The following CNTNAP4 variants were observed in gnomAD, a reference collection of about 807,000 sequenced individuals.
CNTNAP4 encodes the protein contactin associated protein family member 4, also known as contactin-associated protein-like 4.
In CNTNAP4, 98 loss-of-function variants were observed where a neutral mutation model predicts 148.4. The observed-to-expected ratio is 0.66, with a 90% CI of 0.56 to 0.78. The LOEUF (loss-of-function observed/expected upper bound fraction) is 0.78, where lower values mean the gene tolerates loss of function less well. Ranked by LOEUF, CNTNAP4 falls within the 30% of genes least tolerant of loss-of-function variation. CNTNAP4 has a pLI of 0.00. For synonymous variants in CNTNAP4, 730 were observed against 565.1 expected, an observed-to-expected ratio of 1.29 and a Z score of -4.14; for missense variants, 1,935 against 1,565.6, an observed-to-expected ratio of 1.24 and a Z score of -3.98.
At chr16:76,498,936 C>T (rs891292638) in intron 15 of CNTNAP4, among the ~76,000 whole-genome samples, 2 of 151,912 alleles carry the variant, frequency 1.3e-5, no homozygotes, top group Non-Finnish European at 2.9e-5. Context: ...TTAATGAGTA[C>T]AGAGATTTGG....
At chr16:76,386,116 C>G (rs1453359660) in intron 3 of CNTNAP4, among the ~76,000 whole-genome samples, 3 of 152,096 alleles carry the variant, frequency 2.0e-5, no homozygotes, top group African/African-American at 7.2e-5. Context: ...TCACAAATGA[C>G]CACTGAAGCA....
intron 3 of CNTNAP4, among the ~76,000 whole-genome samples, chr16:76,357,058 A>AACACACACAC (rs58020066): frequency 5.4e-5 from 8 of 147,962 alleles, no homozygotes; most frequent in South Asian, 2.1e-4. Context: ...AACAAAACAA[A>AACACACACAC]ACACACACAC....
At position 76,316,448 on chromosome 16, in the gene CNTNAP4, C is replaced by T; in HGVS notation, c.121C>T (p.Gln41Ter). The T allele has an allele frequency of 6.2e-7, 1 of 1,613,876 alleles. No individual in the cohort carries two copies. The highest frequency in any genetic ancestry group is 8.5e-7 in the Non-Finnish European group (1 of 1,179,808). The change falls in exon 2 of 24, where the codon CAG (glutamine) becomes TAG (stop). Residue 41 changes from glutamine (Q) to a stop codon, truncating the protein, a stop_gained. Coordinates refer to ENST00000611870, the MANE Select transcript of CNTNAP4 (RefSeq NM_033401.5). LOFTEE classifies it high-confidence loss of function. The part of the protein sequence containing the change: ...CDDPLVSALP[Q>*]ASFSSSSELS... ...TGATCCTCTTGTGTCTGCCTTGCCT[C>T]AGGCATCCTTCAGCAGTTCTTCCGA...
intron 15 of CNTNAP4, among the ~76,000 whole-genome samples, chr16:76,501,642 A>G (rs1258302447): frequency 6.6e-6 from 1 of 152,142 alleles, no homozygotes; most frequent in African/African-American, 2.4e-5. Context: ...GCTGCTAAAC[A>G]TCCTACAATG....
intron 3 of CNTNAP4, among the ~76,000 whole-genome samples, chr16:76,382,713 G>C (rs2016108662): frequency 1.3e-5 from 2 of 152,180 alleles, no homozygotes; most frequent in South Asian, 2.1e-4. Context: ...AAATTATCAA[G>C]GAAAAATGAT....
chr16:76,463,741 A>T (rs1454612654), intron 9 of CNTNAP4, among the ~76,000 whole-genome samples: 2 of 152,168 alleles, frequency 1.3e-5, no homozygotes, highest in Admixed American at 6.5e-5. Flanking sequence ...TGATCAATGC[A>T]TGTCTGTCCC....
At chr16:76,395,081 C>T (rs4888495) in intron 3 of CNTNAP4, among the ~76,000 whole-genome samples, 58,101 of 151,974 alleles carry the variant, frequency 0.38, 11,719 homozygotes, top group Middle Eastern at 0.5. Flanking sequence ...CTTCTGATGG[C>T]AAAACGTGAC....
chr16:76,435,062 G>T (rs758272644), intron 4 of CNTNAP4, among the ~76,000 whole-genome samples: 1 of 152,024 alleles, frequency 6.6e-6, no homozygotes. Flanking sequence ...ATGTCTCCTC[G>T]GGGAAGGATA....
chr16:76,328,542 T>C (rs924088547), intron 2 of CNTNAP4, among the ~76,000 whole-genome samples: 3 of 152,184 alleles, frequency 2.0e-5, no homozygotes, highest in African/African-American at 2.4e-5. Flanking sequence ...AAAGGACATT[T>C]AGTAAAAACT....
intron 1 of CNTNAP4, chr16:76,316,037 G>C (rs1021159060): frequency 3.2e-5 from 10 of 310,734 alleles, no homozygotes; most frequent in African/African-American, 4.3e-5. Context: ...GGTTTTGCAA[G>C]TACTTTCTCC....
intron 1 of CNTNAP4, among the ~76,000 whole-genome samples, chr16:76,315,221 T>G (rs1597162621): frequency 6.6e-6 from 1 of 152,232 alleles, no homozygotes; most frequent in East Asian, 1.9e-4. Context: ...ATCATACATG[T>G]CTCCTGGTGC....
At chr16:76,301,086 C>G (rs561117410) in intron 1 of CNTNAP4, among the ~76,000 whole-genome samples, 2 of 151,924 alleles carry the variant, frequency 1.3e-5, no homozygotes, top group Admixed American at 1.3e-4. Flanking sequence ...CAAAGAAAAA[C>G]TATACCATAG....
At chr16:76,372,051 T>C (rs140521813) in intron 3 of CNTNAP4, among the ~76,000 whole-genome samples, 1 of 152,294 alleles carries the variant, frequency 6.6e-6, no homozygotes, top group East Asian at 1.9e-4. Context: ...ATAACTTTAA[T>C]CAACCGAATT....
At chr16:76,466,737 A>T (rs1035417774) in intron 9 of CNTNAP4, among the ~76,000 whole-genome samples, 4 of 152,114 alleles carry the variant, frequency 2.6e-5, no homozygotes, top group Non-Finnish European at 5.9e-5. Flanking sequence ...ACATCCTTTT[A>T]TGAGGCAAAG....
At chr16:76,395,054 A>G (rs1313801573) in intron 3 of CNTNAP4, among the ~76,000 whole-genome samples, 1 of 152,072 alleles carries the variant, frequency 6.6e-6, no homozygotes, top group Non-Finnish European at 1.5e-5. Flanking sequence ...ACAAAATTGT[A>G]TGTTTGAAAC....
At chr16:76,452,428 T>C (rs941089642) in intron 7 of CNTNAP4, 80 bp from the exon 8 acceptor site, 4 of 1,442,472 alleles carry the variant, frequency 2.8e-6, no homozygotes, top group Non-Finnish European at 3.8e-6. Context: ...TAATGTGAGA[T>C]TGAAAAGCAG....
At chr16:76,390,395 A>G (rs1302105350) in intron 3 of CNTNAP4, among the ~76,000 whole-genome samples, 6 of 152,004 alleles carry the variant, frequency 3.9e-5, no homozygotes, top group African/African-American at 9.7e-5. Context: ...TATACATAGA[A>G]GATTGGGGTC....
chr16:76,544,219 T>G (rs1176375569), intron 21 of CNTNAP4, among the ~76,000 whole-genome samples: 1 of 152,172 alleles, frequency 6.6e-6, no homozygotes, highest in Non-Finnish European at 1.5e-5. Flanking sequence ...CCTTTTTTTT[T>G]TTTGGAGTTG....
chr16:76,344,153 T>C (rs1010797977), intron 2 of CNTNAP4, among the ~76,000 whole-genome samples: 4 of 152,174 alleles, frequency 2.6e-5, no homozygotes, highest in African/African-American at 9.6e-5. Flanking sequence ...CCAGCATGTA[T>C]GTATGTATAT....
Sources: gnomAD v4.1 joint callset for allele counts (sites outside exome capture counted in the v4.1 genomes callset) on GRCh38, gnomAD v4.1.1 for gene constraint, MANE v1.5 for transcripts, NCBI Gene and HGNC (gene_info 2026-07-23, HGNC 2026-07-21) for gene names.